Variants in CACNA1C observed in about 807,000 individuals in gnomAD.
The protein encoded by CACNA1C is voltage-dependent L-type calcium channel subunit alpha-1C.
CACNA1C carries 30 observed loss-of-function variants against 229.0 expected under a neutral mutation model. The observed-to-expected ratio is 0.13, with a 90% CI of 0.10 to 0.18. The LOEUF (loss-of-function observed/expected upper bound fraction) is 0.18, where lower values mean the gene tolerates loss of function less well. CACNA1C is among the 10% of genes least tolerant of loss of function. CACNA1C has a pLI of 1.00. For synonymous variants in CACNA1C, 1,114 were observed against 1,132.5 expected (o/e 0.98, Z 0.33); for missense variants, 1,658 against 2,845.0 (o/e 0.58, Z 9.49).
intron 3 of CACNA1C, among the ~76,000 whole-genome samples, chr12:2,235,679 C>G (rs1186076675): frequency 6.6e-6 from 1 of 152,080 alleles, no homozygotes; most frequent in Non-Finnish European, 1.5e-5. Context: ...TTTGTGGCCC[C>G]CTTGGGAATC....
At position 2,690,889 on chromosome 12, in the gene CACNA1C, C is replaced by G. The variant is rs551289807; in HGVS notation, c.6118-11C>G. The G allele has an allele frequency of 1.9e-6, 3 of 1,548,868 alleles. No individual in the cohort carries two copies. The African/African-American group carries it at 4.1e-5, about 21-fold the overall frequency. On this transcript the variant is annotated splice_polypyrimidine_tract_variant and intron_variant, in intron 46 of 46. Transcript: ENST00000399655. ...CTTTGGTTCTTCATGGCTCCCACCCCGCTCCTTCAGGTCTTGATTTCAGAA... is the reference window on the plus strand; with the variant it reads ...CTTTGGTTCTTCATGGCTCCCACCCGGCTCCTTCAGGTCTTGATTTCAGAA...
At chr12:2,502,547 G>A (rs1459096716) in intron 7 of CACNA1C, among the ~76,000 whole-genome samples, 1 of 152,210 alleles carries the variant, frequency 6.6e-6, no homozygotes, top group Non-Finnish European at 1.5e-5. Flanking sequence ...CACACACTGG[G>A]AATCTTCTTG....
In CACNA1C at chr12:2,053,150, C is replaced by T; in HGVS notation, c.-413C>T. The T allele has an allele frequency of 1.0e-6, 1 of 988,260 alleles. No individual in the cohort carries two copies. Among genetic ancestry groups the T allele is most frequent in the Non-Finnish European group, 1.2e-6 (1 of 832,038 alleles). 61.2% of individuals were successfully genotyped at this position (988,260 alleles called of 1,614,324 possible). A position where few individuals can be genotyped will look rare whatever the true frequency, so the allele number is the denominator to read the frequency against. On this transcript the variant is annotated 5_prime_UTR_variant, in exon 1 of 47. Transcript: ENST00000399655. This position sits in a 1 kb window ranked among gnomAD's most constrained non-coding sequence, Gnocchi z 5.8. ...CGGGCAGGGGCCTCAGGAGGACTCG[C>T]TGGGAGTGGGCAGAGGCGCCTCGGC...
chr12:2,334,609 G>A (rs947907113), intron 3 of CACNA1C, among the ~76,000 whole-genome samples: 15 of 152,096 alleles, frequency 9.9e-5, no homozygotes, highest in African/African-American at 1.4e-4. Context: ...CTTTGAGACC[G>A]GCCTGGACTA....
chr12:2,674,673 C>T, intron 39 of CACNA1C, 31 bp downstream of exon 39: 1 of 1,533,064 alleles, frequency 6.5e-7, no homozygotes, highest in Non-Finnish European at 8.8e-7. Flanking sequence ...CGCACCTTGG[C>T]CACTGCCTGG....
At chr12:2,444,579 T>C (rs1045870672) in intron 3 of CACNA1C, among the ~76,000 whole-genome samples, 1 of 152,096 alleles carries the variant, frequency 6.6e-6, no homozygotes, top group African/African-American at 2.4e-5. Flanking sequence ...CCCACCTCTG[T>C]AGGTCTGATC....
intron 3 of CACNA1C, among the ~76,000 whole-genome samples, chr12:2,186,064 G>A (rs1445122011): frequency 1.3e-5 from 2 of 152,128 alleles, no homozygotes. Flanking sequence ...GGTGGCTACG[G>A]CCAGACTCGC....
At chr12:2,468,774 G>A (rs1436753405) in intron 5 of CACNA1C, among the ~76,000 whole-genome samples, 1 of 152,266 alleles carries the variant, frequency 6.6e-6, no homozygotes, top group Non-Finnish European at 1.5e-5. Flanking sequence ...CGGCCTGCCG[G>A]TGAGGAGACC....
chr12:2,605,817 A>G lies in CACNA1C; in HGVS notation c.3156+31A>G, dbSNP rs1183244403. 5.8e-6 allele frequency: 8 copies of G among 1,384,020 alleles called. No homozygotes were observed. Among genetic ancestry groups the G allele is most frequent in the African/African-American group, 1.4e-5 (1 of 70,476 alleles). The allele number at this position is 1,384,020 out of a possible 1,614,324, so 85.7% of individuals were successfully genotyped here. On this transcript the variant is annotated intron_variant, in intron 24 of 46. Transcript: ENST00000399655. The surrounding 1 kb of genome is among the most constrained non-coding windows in gnomAD (Gnocchi z 6.2). The stretch of plus-strand genomic sequence containing the variant: ...GTCTGGGCTCCGTTGTGGTCCTCCT[A>G]CCTCCCCTCCCATCAGCATTCCTGG...
At chr12:2,318,611 A>T (rs1339917206) in intron 3 of CACNA1C, among the ~76,000 whole-genome samples, 1 of 152,210 alleles carries the variant, frequency 6.6e-6, no homozygotes, top group African/African-American at 2.4e-5. Context: ...AGGGTCCCAG[A>T]AATCAGAGGA....
intron 3 of CACNA1C, among the ~76,000 whole-genome samples, chr12:2,263,813 G>T (rs946247941): frequency 1.3e-5 from 2 of 151,982 alleles, no homozygotes; most frequent in Non-Finnish European, 2.9e-5. Context: ...GGTGGGGGAG[G>T]CTCAAGAATT....
intron 3 of CACNA1C, among the ~76,000 whole-genome samples, chr12:2,433,523 C>T (rs2099106654): frequency 6.6e-6 from 1 of 152,182 alleles, no homozygotes; most frequent in Non-Finnish European, 1.5e-5. Context: ...ATCCATTCAC[C>T]CACCCATTTA....
At chr12:2,164,959 A>C (rs2154253959) in intron 3 of CACNA1C, among the ~76,000 whole-genome samples, 1 of 152,310 alleles carries the variant, frequency 6.6e-6, no homozygotes, top group East Asian at 1.9e-4. Context: ...GCATTTTCTG[A>C]CTTGTAAACT....
At chr12:2,227,986 G>C (rs1318442648) in intron 3 of CACNA1C, among the ~76,000 whole-genome samples, 1 of 152,180 alleles carries the variant, frequency 6.6e-6, no homozygotes, top group Non-Finnish European at 1.5e-5. Context: ...TCTCTTCCCA[G>C]GTGCCTTGTG....
chr12:2,156,458 A>C lies in CACNA1C; in HGVS notation c.477+36028A>C, dbSNP rs548710343. Reference sequence around the variant, plus strand: ...CCACAAAGACAAAATGAATCCAAAGAAGACATCACCCACCGGTGTTTATTT... The same window carrying C: ...CCACAAAGACAAAATGAATCCAAAGCAGACATCACCCACCGGTGTTTATTT... On this transcript the variant is annotated intron_variant, in intron 3 of 46. Coordinates refer to ENST00000399655, the MANE Select transcript of CACNA1C (RefSeq NM_000719.7). 3.3e-5 allele frequency among the ~76,000 whole-genome samples: 5 copies of C among 152,354 alleles called. No homozygotes were observed. In the South Asian group the frequency reaches 1.0e-3, roughly 32 times the overall value.
chr12:2,185,535 A>G (rs2096971114), intron 3 of CACNA1C, among the ~76,000 whole-genome samples: 3 of 152,212 alleles, frequency 2.0e-5, no homozygotes, highest in Non-Finnish European at 2.9e-5. Context: ...CTACTCCAAT[A>G]TGATTGGATT....
At position 2,136,148 on chromosome 12, in the gene CACNA1C, C is replaced by T. The variant is rs1367156346; in HGVS notation, c.477+15718C>T. Among the ~76,000 whole-genome samples, 3 of 151,432 alleles carry T rather than the reference C, an allele frequency of 2.0e-5. 1 individual carries two copies. Among genetic ancestry groups the T allele is most frequent in the Non-Finnish European group, 4.4e-5 (3 of 67,674 alleles). On this transcript the variant is annotated intron_variant, in intron 3 of 46. Coordinates refer to ENST00000399655, the MANE Select transcript of CACNA1C (RefSeq NM_000719.7). ...CTTGCGCTTCCCAGGTGAGGCAATGCCTCGCCCTGCTTTGGCTCGCGCACC... is the reference window on the plus strand; with the variant it reads ...CTTGCGCTTCCCAGGTGAGGCAATGTCTCGCCCTGCTTTGGCTCGCGCACC...
At chr12:2,580,355 T>C (rs114457215) in intron 13 of CACNA1C, among the ~76,000 whole-genome samples, 1,659 of 152,280 alleles carry the variant, frequency 0.011, 30 homozygotes, top group African/African-American at 0.037. Flanking sequence ...TGTGGAACCA[T>C]TCTCTGCAGA....
chr12:2,544,655 G>A (rs999056935), intron 9 of CACNA1C, among the ~76,000 whole-genome samples: 16 of 152,162 alleles, frequency 1.1e-4, no homozygotes, highest in Non-Finnish European at 2.1e-4. Context: ...GTAAAACTCC[G>A]TGCTTCCAGA....
Sources: gnomAD v4.1 joint callset for allele counts (sites outside exome capture counted in the v4.1 genomes callset) on GRCh38, gnomAD v4.1.1 for gene constraint, Gnocchi (gnomAD v3.1) non-coding constraint, MANE v1.5 for transcripts, NCBI Gene and HGNC (gene_info 2026-07-23, HGNC 2026-07-21) for gene names.